Variants in TBC1D2B observed in about 807,000 individuals in gnomAD.
The protein encoded by TBC1D2B is TBC1 domain family member 2B, also known as TBC1 domain family, member 2B.
TBC1D2B carries 64 observed loss-of-function variants against 100.8 expected under a neutral mutation model. The ratio of observed to expected loss-of-function variants is 0.64; its 90% confidence interval spans 0.52 to 0.78. TBC1D2B has a LOEUF of 0.78. TBC1D2B is among the 30% of genes least tolerant of loss of function. TBC1D2B has a pLI of 0.00. For synonymous variants in TBC1D2B, 480 were observed against 479.7 expected, an observed-to-expected ratio of 1.00 and a Z score of -0.01; for missense variants, 1,052 against 1,218.4, an observed-to-expected ratio of 0.86 and a Z score of 2.03.
intron 10 of TBC1D2B, among the ~76,000 whole-genome samples, chr15:78,008,773 T>C (rs999599175): frequency 6.6e-6 from 1 of 152,198 alleles, no homozygotes; most frequent in Admixed American, 6.5e-5. Flanking sequence ...CGGGTCTGTC[T>C]CTGCTGGTTC....
Position 78,017,840 on chromosome 15 carries a change from GACCC to G in TBC1D2B, c.1581+3_1581+6del. ...CCAGGTAATAGAATCCACCTATCCT[GACCC>G]ACCTTTGCCATCAGATCCCTCTCTC... On this transcript the variant is annotated splice_donor_5th_base_variant and intron_variant, in intron 7 of 12. Coordinates refer to ENST00000300584, the MANE Select transcript of TBC1D2B (RefSeq NM_144572.2). 6.3e-7 allele frequency: 1 copy of G among 1,591,234 alleles called. No individual in the cohort carries two copies. The highest frequency in any genetic ancestry group is 8.6e-7 in the Non-Finnish European group (1 of 1,162,904).
At chr15:78,019,379 T>C (rs1242789622) in intron 6 of TBC1D2B, among the ~76,000 whole-genome samples, 1 of 152,158 alleles carries the variant, frequency 6.6e-6, no homozygotes, top group African/African-American at 2.4e-5. Context: ...CTGTCTAGCC[T>C]GCAAATCAGA....
chr15:78,006,398 A>T (rs2072068414), intron 10 of TBC1D2B, among the ~76,000 whole-genome samples: 1 of 152,122 alleles, frequency 6.6e-6, no homozygotes, highest in South Asian at 2.1e-4. Flanking sequence ...AGAACAATAC[A>T]TTTCTTGGGT....
chr15:78,075,848 G>A lies in TBC1D2B; in HGVS notation c.360+1445C>T, dbSNP rs2073819907. ...CAGCAAAGCTCTAAGAACATCTCCA[G>A]GGAGCAGCTCCAGCTGTTAGCAGCT... On this transcript the variant is annotated intron_variant, in intron 1 of 12. Coordinates refer to ENST00000300584, the MANE Select transcript of TBC1D2B (RefSeq NM_144572.2). Among the ~76,000 whole-genome samples the A allele has an allele frequency of 4.0e-5, 6 of 151,466 alleles. 1 individual carries two copies. The South Asian group carries it at 1.3e-3, about 32-fold the overall frequency.
chr15:78,025,887 T>C (rs775546261), intron 4 of TBC1D2B, among the ~76,000 whole-genome samples: 1 of 151,764 alleles, frequency 6.6e-6, no homozygotes, highest in Non-Finnish European at 1.5e-5. Flanking sequence ...AAATAAAGCA[T>C]CCCCACAAAT....
chr15:78,016,462 G>A (rs182493779), intron 8 of TBC1D2B, 84 bp downstream of exon 8: 33 of 1,299,130 alleles, frequency 2.5e-5, no homozygotes, highest in Non-Finnish European at 3.0e-5. Context: ...AGTTGTGTAC[G>A]GCTCTCTGCG....
chr15:78,008,423 G>A (rs1413164575), intron 10 of TBC1D2B, among the ~76,000 whole-genome samples: 1 of 152,224 alleles, frequency 6.6e-6, no homozygotes, highest in East Asian at 1.9e-4. Context: ...CCCATCTGTG[G>A]AGGCAGGTGC....
chr15:78,076,902 G>T (rs554202554), intron 1 of TBC1D2B, among the ~76,000 whole-genome samples: 76 of 152,336 alleles, frequency 5.0e-4, no homozygotes, highest in Non-Finnish European at 9.7e-4. Context: ...GTTCACTGAG[G>T]TACCAAGGCC....
intron 3 of TBC1D2B, 138 bp from the exon 4 acceptor site, chr15:78,030,308 C>CTTTT: frequency 1.7e-6 from 1 of 583,930 alleles, no homozygotes; most frequent in Non-Finnish European, 2.6e-6. Context: ...TGGGGATTCC[C>CTTTT]TTTTTTTTTT....
At chr15:78,023,733 T>C (rs986307313) in intron 6 of TBC1D2B, among the ~76,000 whole-genome samples, 2 of 152,186 alleles carry the variant, frequency 1.3e-5, no homozygotes, top group East Asian at 1.9e-4. Flanking sequence ...GCTAACCCCA[T>C]ACTAGCTGTT....
At chr15:78,042,935 C>T (rs1450234662) in intron 3 of TBC1D2B, among the ~76,000 whole-genome samples, 1 of 152,082 alleles carries the variant, frequency 6.6e-6, no homozygotes, top group African/African-American at 2.4e-5. Context: ...TGAATGGGAG[C>T]AGAGCAGGAC....
intron 7 of TBC1D2B, chr15:78,017,308 G>A (rs551105933): frequency 4.6e-5 from 7 of 153,612 alleles, no homozygotes; most frequent in African/African-American, 1.7e-4. Context: ...AATGTTTGTG[G>A]TCCCATTACA....
At chr15:78,032,975 T>C (rs959906213) in intron 3 of TBC1D2B, among the ~76,000 whole-genome samples, 4 of 152,204 alleles carry the variant, frequency 2.6e-5, no homozygotes, top group Non-Finnish European at 4.4e-5. Flanking sequence ...CTAAATCTGA[T>C]GTAAACCATC....
chr15:78,013,439 G>C (rs1420520513), intron 8 of TBC1D2B, 122 bp from the exon 9 acceptor site: 1 of 939,682 alleles, frequency 1.1e-6, no homozygotes, highest in Non-Finnish European at 1.5e-6. Context: ...ACTATGAGAA[G>C]CATTTCAAAT....
chr15:78,065,470 C>T lies in TBC1D2B; in HGVS notation c.361-11283G>A, dbSNP rs11637881. 6.9e-3 allele frequency among the ~76,000 whole-genome samples: 1,045 copies of T among 152,280 alleles called. 4 individuals are homozygous for T. The highest frequency in any genetic ancestry group is 0.011 in the Non-Finnish European group (770 of 68,018). On this transcript the variant is annotated intron_variant, in intron 1 of 12. Transcript: ENST00000300584. ...GACAAGGCCACTCTCCGGACATGCT[C>T]GTCCCTACAGGAAATGTAGAAGCCT...
At chr15:78,059,988 C>A (rs1230772120) in intron 1 of TBC1D2B, among the ~76,000 whole-genome samples, 3 of 152,148 alleles carry the variant, frequency 2.0e-5, no homozygotes, top group Non-Finnish European at 4.4e-5. Flanking sequence ...AGCTTTTATT[C>A]CCTTTAGTAA....
At chr15:78,026,632 G>A (rs2072675357) in intron 4 of TBC1D2B, among the ~76,000 whole-genome samples, 1 of 152,086 alleles carries the variant, frequency 6.6e-6, no homozygotes, top group African/African-American at 2.4e-5. Context: ...ATGGGTATTT[G>A]GGGACAGGCA....
At chr15:78,040,827 GA>G (rs1183882488) in intron 3 of TBC1D2B, among the ~76,000 whole-genome samples, 1 of 113,422 alleles carries the variant, frequency 8.8e-6, no homozygotes, top group African/African-American at 3.2e-5. Context: ...AAGAAAGAAG[GA>G]AAGAAAGAAA....
intron 10 of TBC1D2B, among the ~76,000 whole-genome samples, chr15:78,004,134 T>C (rs2071998096): frequency 6.6e-6 from 1 of 152,220 alleles, no homozygotes; most frequent in South Asian, 2.1e-4. Flanking sequence ...AAATGAGGCT[T>C]ATATAAACTA....
Sources: gnomAD v4.1 joint callset for allele counts (sites outside exome capture counted in the v4.1 genomes callset) on GRCh38, gnomAD v4.1.1 for gene constraint, MANE v1.5 for transcripts, NCBI Gene and HGNC (gene_info 2026-07-23, HGNC 2026-07-21) for gene names.